NLRP3: variants seen among roughly 807,000 people sequenced by gnomAD.
NLRP3 encodes the protein NLR family pyrin domain containing 3.
A neutral mutation model predicts 91.3 loss-of-function variants in NLRP3; 48 were observed. The observed-to-expected ratio is 0.53, with a 90% CI of 0.42 to 0.67. The LOEUF is 0.67. Ranked by LOEUF, NLRP3 falls within the 30% of genes least tolerant of loss-of-function variation. The probability of loss-of-function intolerance (pLI) is 0.00; values close to 1 mark genes in which losing one functional copy is unlikely to be tolerated. For synonymous variants in NLRP3, 561 were observed against 507.9 expected, an observed-to-expected ratio of 1.10 and a Z score of -1.41; for missense variants, 982 against 1,276.9, an observed-to-expected ratio of 0.77 and a Z score of 3.52.
intron 6 of NLRP3, 91 bp downstream of exon 6, chr1:247,434,364 G>A (rs1663631641): frequency 7.1e-7 from 1 of 1,413,072 alleles, no homozygotes; most frequent in Non-Finnish European, 1.0e-6. Flanking sequence ...TGGGGTTTGA[G>A]TGAGAATGGC....
chr1:247,421,165 G>A (rs1052376405), intron 2 of NLRP3, among the ~76,000 whole-genome samples: 8 of 152,188 alleles, frequency 5.3e-5, no homozygotes, highest in Admixed American at 3.3e-4. Context: ...GCAAAGGTAG[G>A]GCTCAGAGAA....
In NLRP3 at chr1:247,425,464, A is replaced by G. The variant is rs538730179; in HGVS notation, c.2015A>G (p.His672Arg). The change falls in exon 4 of 10, where the codon CAT (histidine) becomes CGT (arginine). Residue 672 changes from histidine (H) to arginine (R), a missense_variant. This residue lies in a region of NLRP3 where 373 missense variants were observed against 431.5 expected (regional missense o/e 0.86). Transcript: ENST00000336119. This position sits in a 1 kb window ranked among gnomAD's most constrained non-coding sequence, Gnocchi z 4.1. ...MVSSFCIENC[H>R]RVESLSLGFL... ...TCTTCCTTTTGCATTGAGAACTGTC[A>G]TCGGGTGGAGTCACTGTCCCTGGGG... 1.2e-6 allele frequency: 2 copies of G among 1,614,232 alleles called. No individual in the cohort carries two copies. The highest frequency in any genetic ancestry group is 4.5e-5 in the East Asian group (2 of 44,880).
Position 247,429,585 on chromosome 1 carries a change from A to T in NLRP3, c.2151A>T (p.Gly717=), listed in dbSNP as rs201363745. The change falls in exon 5 of 10, where the codon GGA becomes GGT. Residue 717 remains glycine, a splice_region_variant and synonymous_variant. Transcript: ENST00000336119. ...TGTCTGTCTTCCTTCTAATTCCTAG[A>T]TTGGTGAACAGCCACCTCACTTCCA... is the stretch of plus-strand genomic sequence containing the variant. ...PSSSHAACSH[G]LVNSHLTSSF... The T allele has an allele frequency of 2.5e-6, 4 of 1,614,062 alleles. No individual in the cohort carries two copies. The highest frequency in any genetic ancestry group is 3.4e-6 in the Non-Finnish European group (4 of 1,179,984).
intron 4 of NLRP3, among the ~76,000 whole-genome samples, chr1:247,429,215 A>T (rs1329388517): frequency 6.6e-6 from 1 of 151,684 alleles, no homozygotes; most frequent in South Asian, 2.1e-4. Context: ...TTTTGTGAGC[A>T]CTCCTGATGC....
chr1:247,446,535 T>C (rs1036309984), intron 9 of NLRP3, among the ~76,000 whole-genome samples: 27 of 152,316 alleles, frequency 1.8e-4, no homozygotes, highest in African/African-American at 6.3e-4. Flanking sequence ...CTGTCATCTC[T>C]GGATTTTTGC....
chr1:247,425,776 T>G lies in NLRP3; in HGVS notation c.2150+177T>G, dbSNP rs1572175216. ...TGAGCAAAGATTGATGTATGGTAGGTGGATAAATGGGATGAGGAAAAAAAA... is the reference window on the plus strand; with the variant it reads ...TGAGCAAAGATTGATGTATGGTAGGGGGATAAATGGGATGAGGAAAAAAAA... On this transcript the variant is annotated intron_variant, in intron 4 of 9. Transcript: ENST00000336119. The surrounding 1 kb of genome is among the most constrained non-coding windows in gnomAD (Gnocchi z 4.1). 1.6e-6 allele frequency: 1 copy of G among 641,176 alleles called. No individual in the cohort carries two copies. The highest frequency in any genetic ancestry group is 2.7e-6 in the Non-Finnish European group (1 of 366,952). 39.7% of individuals were successfully genotyped at this position (641,176 alleles called of 1,614,324 possible).
intron 6 of NLRP3, among the ~76,000 whole-genome samples, chr1:247,435,113 A>G (rs147786095): frequency 0.034 from 5,203 of 152,188 alleles, 136 homozygotes; most frequent in Non-Finnish European, 0.053. Context: ...TTAGCCAGGC[A>G]TGGTGGTGCA....
intron 5 of NLRP3, among the ~76,000 whole-genome samples, chr1:247,432,570 C>G (rs965415351): frequency 6.6e-6 from 1 of 152,114 alleles, no homozygotes; most frequent in Non-Finnish European, 1.5e-5. Flanking sequence ...ACTTCATGCC[C>G]AAATTCTCTC....
At chr1:247,422,884 C>T (rs12403988) in intron 2 of NLRP3, among the ~76,000 whole-genome samples, 5,865 of 152,322 alleles carry the variant, frequency 0.039, 216 homozygotes, top group Admixed American at 0.11. Context: ...GATGCCCTCA[C>T]AATCAGGCTG....
At chr1:247,434,494 AAAG>A (rs1036505166) in intron 6 of NLRP3, among the ~76,000 whole-genome samples, 18 of 152,160 alleles carry the variant, frequency 1.2e-4, no homozygotes, top group African/African-American at 4.3e-4. Context: ...ATAATAACAA[AAAG>A]AAGATGTCTG....
intron 5 of NLRP3, among the ~76,000 whole-genome samples, chr1:247,432,045 C>T (rs1391726367): frequency 6.6e-6 from 1 of 152,152 alleles, no homozygotes; most frequent in East Asian, 1.9e-4. Context: ...CCACCACGCC[C>T]AGCTGATTTT....
chr1:247,425,449 G>T lies in NLRP3; in HGVS notation c.2000G>T (p.Cys667Phe). Residue 667 changes from cysteine (C) to phenylalanine (F), a missense_variant, in exon 4 of 10, where the codon TGC becomes TTC. Cys to Phe is a radical substitution (Grantham distance 205, BLOSUM62 -2). Transcript: ENST00000336119. This position sits in a 1 kb window ranked among gnomAD's most constrained non-coding sequence, Gnocchi z 4.1. ...TRMDHMVSSF[C>F]IENCHRVESL... is the part of the protein sequence containing the mutation. ...ATGGACCACATGGTTTCTTCCTTTT[G>T]CATTGAGAACTGTCATCGGGTGGAG... 6.2e-7 allele frequency: 1 copy of T among 1,614,174 alleles called. No homozygotes were observed. The highest frequency in any genetic ancestry group is 8.5e-7 in the Non-Finnish European group (1 of 1,180,044).
At chr1:247,443,630 C>A (rs1390673097) in intron 7 of NLRP3, among the ~76,000 whole-genome samples, 2 of 150,926 alleles carry the variant, frequency 1.3e-5, no homozygotes, top group East Asian at 1.9e-4. Context: ...TTGAGGATAA[C>A]CACTGGGATG....
chr1:247,434,410 G>A, intron 6 of NLRP3, 137 bp downstream of exon 6: 1 of 876,602 alleles, frequency 1.1e-6, no homozygotes, highest in Non-Finnish European at 1.9e-6. Context: ...GCTTGTCTTG[G>A]GGTGTCTAGC....
At chr1:247,444,584 C>T in intron 8 of NLRP3, 67 bp from the exon 9 acceptor site, 1 of 1,562,728 alleles carries the variant, frequency 6.4e-7, no homozygotes, top group East Asian at 2.2e-5. Flanking sequence ...GGCTAAGATG[C>T]TAAAATCTTG....
chr1:247,441,687 C>T (rs1572221046), intron 7 of NLRP3, among the ~76,000 whole-genome samples: 1 of 152,220 alleles, frequency 6.6e-6, no homozygotes, highest in Admixed American at 6.5e-5. Flanking sequence ...AATCACATTC[C>T]TCTAATCCAA....
chr1:247,426,989 A>G (rs1490432344), intron 4 of NLRP3, among the ~76,000 whole-genome samples: 1 of 152,216 alleles, frequency 6.6e-6, no homozygotes, highest in Non-Finnish European at 1.5e-5. Context: ...AGTTGTCTTC[A>G]TTCATCAGGT....
In NLRP3 at chr1:247,424,910, C is replaced by A; in HGVS notation, c.1461C>A (p.Leu487=). 1 of 1,612,376 alleles carries A rather than the reference C, an allele frequency of 6.2e-7. No homozygotes were observed. The highest frequency in any genetic ancestry group is 8.5e-7 in the Non-Finnish European group (1 of 1,180,026). ...NQKILFEESD[L]RNHGLQKADV... Reference sequence around the variant, plus strand: ...AAATCCTGTTTGAGGAGTCCGACCTCAGGAATCATGGACTGCAGAAGGCGG... The same window carrying A: ...AAATCCTGTTTGAGGAGTCCGACCTAAGGAATCATGGACTGCAGAAGGCGG... The change falls in exon 4 of 10, where the codon CTC becomes CTA. Residue 487 remains leucine (L), a synonymous_variant. Transcript: ENST00000336119. The surrounding 1 kb of genome is among the most constrained non-coding windows in gnomAD (Gnocchi z 8.1).
intron 9 of NLRP3, 83 bp downstream of exon 9, chr1:247,444,904 CTCGCT>C: frequency 6.9e-7 from 1 of 1,447,048 alleles, no homozygotes; most frequent in Non-Finnish European, 9.6e-7. Context: ...CAGGATGGCT[CTCGCT>C]TCATTTGCAG....
Sources: gnomAD v4.1 joint callset for allele counts (sites outside exome capture counted in the v4.1 genomes callset) on GRCh38, gnomAD v4.1.1 for gene constraint, gnomAD v4.1.1 regional missense constraint, Gnocchi (gnomAD v3.1) non-coding constraint, MANE v1.5 for transcripts, NCBI Gene and HGNC (gene_info 2026-07-23, HGNC 2026-07-21) for gene names.